Variants in CNBD1 observed in about 807,000 individuals in gnomAD.
The protein encoded by CNBD1 is cyclic nucleotide-binding domain-containing protein 1.
Under a neutral mutation model 54.4 loss-of-function variants are expected in CNBD1, and 71 were observed. The ratio of observed to expected loss-of-function variants is 1.30; its 90% CI spans 1.08 to 1.59. The LOEUF (loss-of-function observed/expected upper bound fraction) is 1.59. CNBD1 is among the 40% of genes most tolerant of loss of function. The pLI is 0.00. For synonymous variants in CNBD1, 182 were observed against 170.7 expected (o/e 1.07, Z -0.51); for missense variants, 659 against 518.0 (o/e 1.27, Z -2.64).
At chr8:87,161,742 C>G (rs1812862806) in intron 4 of CNBD1, among the ~76,000 whole-genome samples, 1 of 152,000 alleles carries the variant, frequency 6.6e-6, no homozygotes, top group Non-Finnish European at 1.5e-5. Context: ...GTCAGATATG[C>G]CTTACAAAAG....
At chr8:87,044,540 T>G (rs1359098868) in intron 4 of CNBD1, 1 of 152,144 alleles carries the variant, frequency 6.6e-6, no homozygotes, top group Non-Finnish European at 1.5e-5. Flanking sequence ...AAGTTGACAT[T>G]TTACAGTGGA....
At position 87,006,190 on chromosome 8, in the gene CNBD1, T is replaced by C. The variant is rs1809093555; in HGVS notation, c.431+66436T>C. ...TGGTTTCTGATTGACCATTTTTACTTTTTCACTCTAAATCGGGGGAAAAAA... is the reference window on the plus strand; with the variant it reads ...TGGTTTCTGATTGACCATTTTTACTCTTTCACTCTAAATCGGGGGAAAAAA... On this transcript the variant is annotated intron_variant, in intron 4 of 10. Transcript: ENST00000518476. Among the ~76,000 whole-genome samples the C allele has an allele frequency of 2.0e-5, 3 of 152,088 alleles. No individual in the cohort carries two copies. The South Asian group carries it at 6.2e-4, about 32-fold the overall frequency.
At chr8:86,938,264 A>G (rs1396830824) in intron 3 of CNBD1, among the ~76,000 whole-genome samples, 4 of 152,220 alleles carry the variant, frequency 2.6e-5, no homozygotes, top group Admixed American at 2.6e-4. Flanking sequence ...CATTTTGCTC[A>G]AAGCCATTTG....
intron 4 of CNBD1, among the ~76,000 whole-genome samples, chr8:86,978,492 T>C (rs1808393691): frequency 6.7e-6 from 1 of 150,124 alleles, no homozygotes; most frequent in Non-Finnish European, 1.5e-5. Context: ...GATTTGATAC[T>C]CCTAATAATG....
intron 6 of CNBD1, among the ~76,000 whole-genome samples, chr8:87,280,760 C>A (rs1212942145): frequency 1.3e-5 from 2 of 151,364 alleles, no homozygotes; most frequent in Non-Finnish European, 3.0e-5. Context: ...TTTACCAATT[C>A]TTATTCAGAG....
intron 4 of CNBD1, among the ~76,000 whole-genome samples, chr8:87,055,039 C>G (rs1365228103): frequency 6.6e-6 from 1 of 152,126 alleles, no homozygotes; most frequent in Non-Finnish European, 1.5e-5. Flanking sequence ...CCTACTCACT[C>G]TTTCGATGGA....
chr8:87,261,159 A>G (rs1348963402), intron 6 of CNBD1, among the ~76,000 whole-genome samples: 3 of 152,150 alleles, frequency 2.0e-5, no homozygotes, highest in Admixed American at 6.6e-5. Flanking sequence ...TCCAGTTTCT[A>G]TCATGACTTG....
intron 6 of CNBD1, among the ~76,000 whole-genome samples, chr8:87,275,390 A>T (rs1808455565): frequency 6.6e-6 from 1 of 151,828 alleles, no homozygotes; most frequent in South Asian, 2.1e-4. Flanking sequence ...CACGATATTG[A>T]TTCTTCCTAC....
At chr8:87,042,118 G>T (rs1442866397) in intron 4 of CNBD1, among the ~76,000 whole-genome samples, 5 of 152,158 alleles carry the variant, frequency 3.3e-5, no homozygotes, top group Admixed American at 2.6e-4. Flanking sequence ...CAACTTTTCG[G>T]CCTGTGCTCT....
chr8:87,282,437 G>T (rs969430701), intron 6 of CNBD1, among the ~76,000 whole-genome samples: 2 of 151,432 alleles, frequency 1.3e-5, no homozygotes, highest in South Asian at 4.2e-4. Context: ...TTCTTATAAT[G>T]TCTAAAATTA....
chr8:86,942,931 T>C (rs537821636), intron 4 of CNBD1, among the ~76,000 whole-genome samples: 53 of 152,198 alleles, frequency 3.5e-4, no homozygotes, highest in Non-Finnish European at 6.8e-4. Flanking sequence ...CTTTTGTTTA[T>C]CTCTGACTAA....
chr8:87,329,695 C>A (rs1809775505), intron 8 of CNBD1, among the ~76,000 whole-genome samples: 1 of 151,642 alleles, frequency 6.6e-6, no homozygotes, highest in Non-Finnish European at 1.5e-5. Context: ...TTTGAAATTC[C>A]ATTTGTTTGT....
intron 4 of CNBD1, among the ~76,000 whole-genome samples, chr8:87,108,562 ATTCAGGGAATTTGCTC>A (rs1811591445): frequency 6.6e-6 from 1 of 152,208 alleles, no homozygotes; most frequent in Non-Finnish European, 1.5e-5. Context: ...AAGAACCAAC[ATTCAGGGAATTTGCTC>A]TTGAAATTTT....
chr8:87,311,458 G>C (rs1212049656), intron 8 of CNBD1, among the ~76,000 whole-genome samples: 1 of 152,114 alleles, frequency 6.6e-6, no homozygotes, highest in Non-Finnish European at 1.5e-5. Flanking sequence ...ACAGATGCTG[G>C]TGAGGCTGCA....
intron 2 of CNBD1, among the ~76,000 whole-genome samples, chr8:87,389,474 C>G (rs1479154328): frequency 6.6e-6 from 1 of 152,036 alleles, no homozygotes; most frequent in East Asian, 1.9e-4. Flanking sequence ...AACAGAGAGC[C>G]AAATCATGAG....
In CNBD1 at chr8:87,050,397, G is replaced by A. The variant is rs116700729; in HGVS notation, c.431+110643G>A. 9.8e-4 allele frequency among the ~76,000 whole-genome samples: 149 copies of A among 152,306 alleles called. 1 individual carries two copies. Among genetic ancestry groups the A allele is most frequent in the African/African-American group, 3.4e-3 (140 of 41,576 alleles). On this transcript the variant is annotated intron_variant, in intron 4 of 10. Transcript: ENST00000518476. ...AGCTAGGAAATTAAGAAGAGCTTCAGTGCCTTCCTGAGAAGCCTTCTCAGA... is the reference window on the plus strand; with the variant it reads ...AGCTAGGAAATTAAGAAGAGCTTCAATGCCTTCCTGAGAAGCCTTCTCAGA...
intron 4 of CNBD1, among the ~76,000 whole-genome samples, chr8:87,006,658 G>C (rs1387882781): frequency 6.6e-6 from 1 of 152,036 alleles, no homozygotes; most frequent in Non-Finnish European, 1.5e-5. Flanking sequence ...AACTCACCAG[G>C]TATCATGAAG....
At chr8:87,325,613 C>G (rs1411103224) in intron 8 of CNBD1, among the ~76,000 whole-genome samples, 3 of 135,868 alleles carry the variant, frequency 2.2e-5, no homozygotes, top group Non-Finnish European at 4.7e-5. Context: ...TTATCAGAGA[C>G]TAGGATTGCA....
chr8:87,349,566 A>G (rs10086478), intron 8 of CNBD1, among the ~76,000 whole-genome samples: 61,643 of 151,966 alleles, frequency 0.41, 12,789 homozygotes, highest in Middle Eastern at 0.46. Context: ...AGTAGAGACG[A>G]GGTTTCGCCA....
Sources: allele counts gnomAD v4.1 joint callset (sites outside exome capture counted in the v4.1 genomes callset), GRCh38; gene constraint gnomAD v4.1.1; transcripts MANE v1.5; gene names NCBI Gene and HGNC (gene_info 2026-07-23, HGNC 2026-07-21).